EPG5: variants seen among roughly 807,000 people sequenced by gnomAD.
EPG5 encodes ectopic P granules protein 5 homolog.
EPG5 carries 159 observed loss-of-function variants against 302.7 expected under a neutral mutation model. The observed-to-expected ratio is 0.53, with a 90% CI of 0.46 to 0.60. The LOEUF is 0.60. Among genes scored for constraint, EPG5 ranks in the 20% least tolerant of loss-of-function variants. EPG5 has a pLI of 0.00. For missense variants in EPG5, 2,896 were observed against 3,092.4 expected, an observed-to-expected ratio of 0.94 and a Z score of 1.51; for synonymous variants, 1,158 against 1,136.8, an observed-to-expected ratio of 1.02 and a Z score of -0.37.
the EPG5 span, among the ~76,000 whole-genome samples, chr18:45,822,167 G>T: frequency 5.3e-5 from 8 of 152,306 alleles, no homozygotes; most frequent in East Asian, 1.5e-3. Context: ...ACCATCAGAT[G>T]AATGGAGAAA....
chr18:45,940,906 G>T (rs955253164), intron 9 of EPG5, among the ~76,000 whole-genome samples: 1 of 152,204 alleles, frequency 6.6e-6, no homozygotes, highest in Non-Finnish European at 1.5e-5. Context: ...GGGAAGGGGG[G>T]AGAGTGAGTT....
At chr18:45,881,941 C>T (rs1009889809) in intron 31 of EPG5, among the ~76,000 whole-genome samples, 9 of 152,182 alleles carry the variant, frequency 5.9e-5, no homozygotes, top group African/African-American at 1.4e-4. Flanking sequence ...CCAGATCTGT[C>T]GTCTGCAGAG....
intron 7 of EPG5, among the ~76,000 whole-genome samples, chr18:45,945,031 T>C (rs2050755786): frequency 6.6e-6 from 1 of 152,134 alleles, no homozygotes; most frequent in South Asian, 2.1e-4. Flanking sequence ...TCATGTCCCT[T>C]AGGACATGAC....
intron 39 of EPG5, among the ~76,000 whole-genome samples, chr18:45,862,067 C>T (rs1174393513): frequency 6.6e-6 from 1 of 152,146 alleles, no homozygotes; most frequent in East Asian, 1.9e-4. Flanking sequence ...TAAATGAAAA[C>T]ATGCATTCCT....
At chr18:45,832,235 G>T in the EPG5 span, among the ~76,000 whole-genome samples, 1 of 152,216 alleles carries the variant, frequency 6.6e-6, no homozygotes, top group Non-Finnish European at 1.5e-5. Context: ...CCATTTTGCA[G>T]CAGAGGACCC....
intron 13 of EPG5, 37 bp from the exon 14 acceptor site, chr18:45,925,939 C>T (rs1213280452): frequency 8.1e-7 from 1 of 1,240,886 alleles, no homozygotes; most frequent in Admixed American, 3.1e-5. Context: ...TAAATAAAGA[C>T]TTAGAAACAA....
chr18:45,905,020 T>C (rs1003644739), intron 24 of EPG5, among the ~76,000 whole-genome samples: 1 of 152,136 alleles, frequency 6.6e-6, no homozygotes, highest in Non-Finnish European at 1.5e-5. Flanking sequence ...TATTTTCCTA[T>C]AAAATGGAAT....
rs766177094 is a variant in EPG5, at chr18:45,908,127, T to C, written c.4206-46A>G. ...TATACGAAACATAAAAAGATGAGCA[T>C]ACAAACAAAGCTTCTTACATCTCTA... On this transcript the variant is annotated intron_variant, in intron 23 of 43. Transcript: ENST00000282041. 9.8e-6 allele frequency: 14 copies of C among 1,426,238 alleles called. No individual in the cohort carries two copies. In the Middle Eastern group the frequency reaches 7.1e-4, roughly 73 times the overall value. The allele number at this position is 1,426,238 out of a possible 1,614,324, so 88.3% of individuals were successfully genotyped here.
At chr18:45,908,119 G>A (rs761256560) in intron 23 of EPG5, 38 bp from the exon 24 acceptor site, 12 of 1,447,618 alleles carry the variant, frequency 8.3e-6, no homozygotes, top group Non-Finnish European at 1.1e-5. Flanking sequence ...AACATAAAAA[G>A]ATGAGCATAC....
intron 27 of EPG5, among the ~76,000 whole-genome samples, chr18:45,891,001 C>G (rs772411563): frequency 5.4e-4 from 83 of 152,298 alleles, no homozygotes; most frequent in Non-Finnish European, 5.4e-4. Context: ...CTACATTCTC[C>G]TCCTGTCTTC....
chr18:45,935,904 G>T (rs2050512804), intron 10 of EPG5, among the ~76,000 whole-genome samples: 1 of 152,146 alleles, frequency 6.6e-6, no homozygotes, highest in Non-Finnish European at 1.5e-5. Flanking sequence ...CTCCAGGCTG[G>T]CTCCTTCCAT....
the EPG5 span, among the ~76,000 whole-genome samples, chr18:45,800,683 T>G: frequency 1.3e-5 from 2 of 152,222 alleles, no homozygotes; most frequent in Non-Finnish European, 2.9e-5. Context: ...TATTGGAGCT[T>G]CTTCCTCCTG....
At chr18:45,944,293 T>TA (rs2050740828) in intron 7 of EPG5, among the ~76,000 whole-genome samples, 174 bp from the exon 8 acceptor site, 1 of 152,182 alleles carries the variant, frequency 6.6e-6, no homozygotes, top group South Asian at 2.1e-4. Flanking sequence ...CACAGACAGT[T>TA]ACACAGTAAA....
the EPG5 span, among the ~76,000 whole-genome samples, chr18:45,815,750 C>T: frequency 9.7e-4 from 148 of 152,218 alleles, 1 homozygote; most frequent in South Asian, 9.1e-3. Flanking sequence ...CAATTCACAA[C>T]GATACTACCA....
At chr18:45,937,235 TACACACAC>T (rs57593059) in intron 10 of EPG5, among the ~76,000 whole-genome samples, 2,648 of 136,822 alleles carry the variant, frequency 0.019, 32 homozygotes, top group South Asian at 0.028. Context: ...TACATATATA[TACACACAC>T]ACACACACAC....
intron 12 of EPG5, among the ~76,000 whole-genome samples, chr18:45,929,631 T>A (rs145895180): frequency 3.7e-3 from 566 of 152,362 alleles, no homozygotes; most frequent in African/African-American, 0.013. Flanking sequence ...GTAATTTTTA[T>A]TGTGACTCCT....
chr18:45,896,153 T>C (rs1158796354), intron 27 of EPG5, among the ~76,000 whole-genome samples: 1 of 152,254 alleles, frequency 6.6e-6, no homozygotes, highest in Non-Finnish European at 1.5e-5. Context: ...ACAACAGTAC[T>C]ATATAACTTT....
chr18:45,879,118 G>C lies in EPG5; in HGVS notation c.5764C>G (p.Pro1922Ala), dbSNP rs780245388. ...KSFGLFSKWS[P>A]YMADVKTFLG... is the part of the protein sequence containing the mutation. ...AATGTCTTCACATCAGCCATATAAG[G>C]ACTCCATTTTGAGAATAAACCAAAG... The change falls in exon 33 of 44, where the codon CCT becomes GCT. Residue 1922 changes from proline (P) to alanine (A), a missense_variant. Transcript: ENST00000282041. The C allele has an allele frequency of 1.5e-5, 24 of 1,613,876 alleles. No homozygotes were observed. In the East Asian group the frequency reaches 5.3e-4, roughly 36 times the overall value.
chr18:45,918,657 T>C (rs2050084078), intron 16 of EPG5, among the ~76,000 whole-genome samples: 1 of 152,224 alleles, frequency 6.6e-6, no homozygotes, highest in African/African-American at 2.4e-5. Context: ...TAAGGCAATT[T>C]TAGAAAAATC....
Sources: gnomAD v4.1 joint callset for allele counts (sites outside exome capture counted in the v4.1 genomes callset) on GRCh38, gnomAD v4.1.1 for gene constraint, MANE v1.5 for transcripts, NCBI Gene and HGNC (gene_info 2026-07-23, HGNC 2026-07-21) for gene names.